The following GRM4 variants were observed in gnomAD, a reference collection of about 807,000 sequenced individuals.
GRM4 encodes the protein metabotropic glutamate receptor 4.
GRM4 carries 28 observed loss-of-function variants against 81.7 expected under a neutral mutation model. The ratio of observed to expected loss-of-function variants is 0.34; its 90% CI spans 0.25 to 0.47. The LOEUF is 0.47. Among genes scored for constraint, GRM4 ranks in the 20% least tolerant of loss-of-function variants. The pLI, the probability that GRM4 is intolerant of heterozygous loss-of-function variation, is 1.00. For missense variants in GRM4, 948 were observed against 1,290.0 expected (o/e 0.73, Z 4.06); for synonymous variants, 488 against 528.8 (o/e 0.92, Z 1.06).
At position 34,056,715 on chromosome 6, in the gene GRM4, C is replaced by T. The variant is rs757822689; in HGVS notation, c.1028-31G>A. On this transcript the variant is annotated intron_variant, in intron 5 of 10. Coordinates refer to ENST00000538487, the MANE Select transcript of GRM4 (RefSeq NM_000841.4). ...AGGGAACCAGGACGTCAGGGCCTCA[C>T]TGGCCTTCTTCCCCACCAGCCCCAG... The T allele has an allele frequency of 4.4e-6, 7 of 1,603,370 alleles. No individual in the cohort carries two copies. In the South Asian group the frequency reaches 5.5e-5, roughly 13 times the overall value.
At chr6:34,150,912 C>T (rs936419856), upstream of GRM4, among the ~76,000 whole-genome samples, 32 of 152,178 alleles carry the variant, frequency 2.1e-4, no homozygotes, top group African/African-American at 7.7e-4. Context: ...CAGAGCAGGG[C>T]AGCAAGTGGT....
Position 34,132,975 on chromosome 6 carries a change from G to A in GRM4, c.519+3C>T, listed in dbSNP as rs908770909. 2.5e-6 allele frequency: 4 copies of A among 1,587,746 alleles called. No homozygotes were observed. ...ACCTCAGGGGACCAACCAAGGCACT[G>A]ACCTTGAAGAGGCGAAGGATGTTGG... On this transcript the variant is annotated splice_donor_region_variant and intron_variant, in intron 2 of 10. Transcript: ENST00000538487.
At chr6:34,057,064 G>A (rs1765934618) in intron 5 of GRM4, among the ~76,000 whole-genome samples, 1 of 152,136 alleles carries the variant, frequency 6.6e-6, no homozygotes, top group South Asian at 2.1e-4. Flanking sequence ...ACCTGAAGAG[G>A]AGACCAGGCC....
At chr6:34,075,820 G>A (rs188012661) in intron 3 of GRM4, among the ~76,000 whole-genome samples, 58 of 152,298 alleles carry the variant, frequency 3.8e-4, no homozygotes, top group Middle Eastern at 6.8e-3. Flanking sequence ...CCCATGAGCC[G>A]CTTCAAGGGC....
In GRM4 at chr6:34,035,754, G is replaced by A. The variant is rs868147675; in HGVS notation, c.2356C>T (p.Pro786Ser). The change falls in exon 9 of 11, where the codon CCC becomes TCC. Residue 786 changes from proline to serine, a missense_variant. Transcript: ENST00000538487. This position sits in a 1 kb window ranked among gnomAD's most constrained non-coding sequence, Gnocchi z 6.6. Reference protein sequence around the residue: ...GVPETFNEAKPIGFTMYTTCI... With the variant: ...GVPETFNEAKSIGFTMYTTCI... ...GTGGTGTACATGGTGAAGCCAATGG[G>A]CTTGGCCTCATTGAAGGTCTCGGGC... 4 of 1,613,016 alleles carry A rather than the reference G, an allele frequency of 2.5e-6. No homozygotes were observed. Among genetic ancestry groups the A allele is most frequent in the Middle Eastern group, 1.7e-4 (1 of 6,060 alleles).
At position 34,036,757 on chromosome 6, in the gene GRM4, A is replaced by C. The variant is rs1764736922; in HGVS notation, c.1507-154T>G. Among the ~76,000 whole-genome samples, 1 of 152,146 alleles carries C rather than the reference A, an allele frequency of 6.6e-6. No homozygotes were observed. Among genetic ancestry groups the C allele is most frequent in the Non-Finnish European group, 1.5e-5 (1 of 68,012 alleles). ...GCCCGGACCCCACAGGGACTTACTG[A>C]ATCTAACAGCTGGAGTTAAAAAAGG... On this transcript the variant is annotated intron_variant, in intron 8 of 10. Transcript: ENST00000538487. This position sits in a 1 kb window ranked among gnomAD's most constrained non-coding sequence, Gnocchi z 9.0.
intron 1 of GRM4, among the ~76,000 whole-genome samples, chr6:34,144,917 C>A (rs1488026157): frequency 6.6e-6 from 1 of 152,122 alleles, no homozygotes; most frequent in Non-Finnish European, 1.5e-5. Flanking sequence ...TCAGATCCCG[C>A]GCCCTCCGGC....
rs1415229759 is a variant in GRM4 at position 34,069,094 on chromosome 6, C to T, written c.737-7066G>A. The stretch of plus-strand genomic sequence containing the variant: ...AGGGACAGGGGCAGGAGAGCAGGTC[C>T]CCCCGGCTCCCATAGGGGAGGACAG... On this transcript the variant is annotated intron_variant, in intron 3 of 10. Coordinates refer to ENST00000538487, the MANE Select transcript of GRM4 (RefSeq NM_000841.4). The surrounding 1 kb of genome is among the most constrained non-coding windows in gnomAD (Gnocchi z 6.4). Among the ~76,000 whole-genome samples, 1 of 151,858 alleles carries T rather than the reference C, an allele frequency of 6.6e-6. No homozygotes were observed. The highest frequency in any genetic ancestry group is 1.5e-5 in the Non-Finnish European group (1 of 67,952).
In GRM4 at chr6:34,070,271, C is replaced by T. The variant is rs983058665; in HGVS notation, c.737-8243G>A. The stretch of plus-strand genomic sequence containing the variant: ...ATACTCTGTGCTCAGCGTCCACACG[C>T]GTGGGGTGGGTACCCACGTGCACCT... On this transcript the variant is annotated intron_variant, in intron 3 of 10. Coordinates refer to ENST00000538487, the MANE Select transcript of GRM4 (RefSeq NM_000841.4). This position sits in a 1 kb window ranked among gnomAD's most constrained non-coding sequence, Gnocchi z 4.6. Among the ~76,000 whole-genome samples the T allele has an allele frequency of 1.3e-5, 2 of 152,164 alleles. No homozygotes were observed. Among genetic ancestry groups the T allele is most frequent in the African/African-American group, 4.8e-5 (2 of 41,444 alleles).
At chr6:34,081,059 C>A (rs76924224) in intron 3 of GRM4, among the ~76,000 whole-genome samples, 2 of 152,154 alleles carry the variant, frequency 1.3e-5, no homozygotes, top group Non-Finnish European at 2.9e-5. Context: ...CCCACCAATG[C>A]TTCCCTGGGG....
chr6:34,061,864 GTGCCCACCC>G lies in GRM4; in HGVS notation c.872+20_872+28del, dbSNP rs1766197100. The G allele has an allele frequency of 6.3e-7, 1 of 1,599,154 alleles. No individual in the cohort carries two copies. Among genetic ancestry groups the G allele is most frequent in the African/African-American group, 1.3e-5 (1 of 74,782 alleles). The stretch of plus-strand genomic sequence containing the variant: ...TTTGCCCACACCTGCATGGCTCCCG[GTGCCCACCC>G]TGCTGCCACCTGCCCTCACCTGATG... On this transcript the variant is annotated intron_variant, in intron 4 of 10. Transcript: ENST00000538487.
intron 2 of GRM4, among the ~76,000 whole-genome samples, chr6:34,120,745 A>G (rs1769778993): frequency 6.6e-6 from 1 of 152,066 alleles, no homozygotes; most frequent in African/African-American, 2.4e-5. Flanking sequence ...AGGGCGCGCC[A>G]CAACACCTGG....
At chr6:34,029,595 G>A (rs1439950111) in intron 9 of GRM4, among the ~76,000 whole-genome samples, 1 of 152,236 alleles carries the variant, frequency 6.6e-6, no homozygotes, top group African/African-American at 2.4e-5. Flanking sequence ...GACTGGAGAA[G>A]CCATAGGGCC....
Position 34,036,266 on chromosome 6 carries a change from G to T in GRM4, c.1844C>A (p.Thr615Lys). The T allele has an allele frequency of 6.2e-7, 1 of 1,614,142 alleles. No individual in the cohort carries two copies. The highest frequency in any genetic ancestry group is 8.5e-7 in the Non-Finnish European group (1 of 1,179,992). Reference sequence around the variant, plus strand: ...ACGGCCCGAGGCCTTGACGATGGGCGTGTCGTTGTAGCGCACAAAGGTGAT... The same window carrying T: ...ACGGCCCGAGGCCTTGACGATGGGCTTGTCGTTGTAGCGCACAAAGGTGAT... ...VVITFVRYND[T>K]PIVKASGREL... The change falls in exon 9 of 11, where the codon ACG becomes AAG. Residue 615 changes from threonine (T) to lysine (K), a missense_variant. Thr to Lys is a moderately conservative substitution (Grantham distance 78). Coordinates refer to ENST00000538487, the MANE Select transcript of GRM4 (RefSeq NM_000841.4). The surrounding 1 kb of genome is among the most constrained non-coding windows in gnomAD (Gnocchi z 9.0).
At chr6:34,065,467 C>G (rs924918776) in intron 3 of GRM4, among the ~76,000 whole-genome samples, 1 of 152,196 alleles carries the variant, frequency 6.6e-6, no homozygotes, top group African/African-American at 2.4e-5. Flanking sequence ...CTCCGTATCT[C>G]AGGGCAGAGG....
Position 34,040,310 on chromosome 6 carries a change from G to A in GRM4, c.1374C>T (p.Ile458=), listed in dbSNP as rs145686725. 8.1e-6 allele frequency: 13 copies of A among 1,614,036 alleles called. No homozygotes were observed. The highest frequency in any genetic ancestry group is 1.3e-5 in the African/African-American group (1 of 75,064). Residue 458 remains isoleucine, a synonymous_variant, in exon 8 of 11, where the codon ATC becomes ATT. Coordinates refer to ENST00000538487, the MANE Select transcript of GRM4 (RefSeq NM_000841.4). ...CATTGAAGGTCACAGGGTTCCCTGC[G>A]ATGCCTGTAAGGGTGGGCGGGTGTC... is the stretch of plus-strand genomic sequence containing the variant. ...KYIRNVNFSG[I]AGNPVTFNEN...
chr6:34,149,811 A>G (rs1417469627), upstream of GRM4, among the ~76,000 whole-genome samples: 1 of 152,202 alleles, frequency 6.6e-6, no homozygotes. Context: ...CTTGACTAAG[A>G]CTAAACTCCC....
chr6:34,048,769 G>A lies in GRM4; in HGVS notation c.1168+7775C>T, dbSNP rs1161638101. Reference sequence around the variant, plus strand: ...AAGAGATCTGAGGGTTTAAAAGTGTGGCACTTCCCCTCTCGCCTTCTCTCT... The same window carrying A: ...AAGAGATCTGAGGGTTTAAAAGTGTAGCACTTCCCCTCTCGCCTTCTCTCT... On this transcript the variant is annotated intron_variant, in intron 6 of 10. Coordinates refer to ENST00000538487, the MANE Select transcript of GRM4 (RefSeq NM_000841.4). The surrounding 1 kb of genome is among the most constrained non-coding windows in gnomAD (Gnocchi z 4.0). Among the ~76,000 whole-genome samples, 1 of 152,048 alleles carries A rather than the reference G, an allele frequency of 6.6e-6. No individual in the cohort carries two copies. The highest frequency in any genetic ancestry group is 1.5e-5 in the Non-Finnish European group (1 of 67,996).
At chr6:34,119,838 G>A (rs989680241) in intron 2 of GRM4, among the ~76,000 whole-genome samples, 6 of 152,200 alleles carry the variant, frequency 3.9e-5, no homozygotes, top group African/African-American at 9.6e-5. Flanking sequence ...TTGGTGGGGC[G>A]TAGAGGGGGC....
Sources: gnomAD v4.1 joint callset for allele counts (sites outside exome capture counted in the v4.1 genomes callset) on GRCh38, gnomAD v4.1.1 for gene constraint, Gnocchi (gnomAD v3.1) non-coding constraint, MANE v1.5 for transcripts, NCBI Gene and HGNC (gene_info 2026-07-23, HGNC 2026-07-21) for gene names.